ADARB2: variants seen among roughly 807,000 people sequenced by gnomAD.
ADARB2 encodes inactive double-stranded RNA-specific editase B2.
Under a neutral mutation model 62.2 loss-of-function variants are expected in ADARB2, and 25 were observed. The ratio of observed to expected loss-of-function variants is 0.40; its 90% CI spans 0.29 to 0.56. ADARB2 has a LOEUF of 0.56. Ranked by LOEUF, ADARB2 falls within the 20% of genes least tolerant of loss-of-function variation. The pLI is 0.43. For synonymous variants in ADARB2, 572 were observed against 500.8 expected (o/e 1.14, Z -1.90); for missense variants, 1,071 against 1,077.4 (o/e 0.99, Z 0.08).
At chr10:1,295,685 G>C (rs981808378) in intron 3 of ADARB2, among the ~76,000 whole-genome samples, 1 of 152,136 alleles carries the variant, frequency 6.6e-6, no homozygotes, top group Non-Finnish European at 1.5e-5. Flanking sequence ...AATGCATGAA[G>C]GGTCTCATTA....
intron 6 of ADARB2, among the ~76,000 whole-genome samples, chr10:1,221,283 G>T (rs1025690406): frequency 6.6e-6 from 1 of 152,150 alleles, no homozygotes; most frequent in South Asian, 2.1e-4. Context: ...AATTCTGACA[G>T]TCCAAGTCAT....
chr10:1,622,325 G>A (rs1833713397), intron 1 of ADARB2, among the ~76,000 whole-genome samples: 1 of 152,110 alleles, frequency 6.6e-6, no homozygotes, highest in South Asian at 2.1e-4. Context: ...AATTCATTAA[G>A]GAAATATCAA....
intron 6 of ADARB2, among the ~76,000 whole-genome samples, chr10:1,225,941 A>AT (rs1290409715): frequency 6.6e-6 from 1 of 151,912 alleles, no homozygotes; most frequent in Non-Finnish European, 1.5e-5. Flanking sequence ...TATTTCCTGA[A>AT]TATGAATGTT....
chr10:1,345,522 C>G (rs1009474584), intron 3 of ADARB2, among the ~76,000 whole-genome samples: 1 of 152,170 alleles, frequency 6.6e-6, no homozygotes, highest in Non-Finnish European at 1.5e-5. Flanking sequence ...GCTCAACTGA[C>G]CCCATGTCCT....
intron 1 of ADARB2, among the ~76,000 whole-genome samples, chr10:1,604,626 G>T (rs1833472576): frequency 2.6e-5 from 4 of 152,304 alleles, no homozygotes; most frequent in African/African-American, 2.4e-5. Flanking sequence ...GTAGTGTTTT[G>T]AATCTTACAT....
At chr10:1,711,356 T>C (rs1195529006) in intron 1 of ADARB2, among the ~76,000 whole-genome samples, 1 of 152,192 alleles carries the variant, frequency 6.6e-6, no homozygotes, top group Non-Finnish European at 1.5e-5. Context: ...GGTGCCATGC[T>C]GAGGTCACAG....
At chr10:1,188,745 C>G (rs1236512682) in intron 8 of ADARB2, among the ~76,000 whole-genome samples, 1 of 152,184 alleles carries the variant, frequency 6.6e-6, no homozygotes, top group African/African-American at 2.4e-5. Context: ...GGAGCGGGAA[C>G]CACGGCCCAG....
intron 1 of ADARB2, among the ~76,000 whole-genome samples, chr10:1,508,518 G>A (rs911350332): frequency 6.6e-6 from 1 of 152,174 alleles, no homozygotes; most frequent in Admixed American, 6.5e-5. Context: ...AGTGGCTCAC[G>A]CCTGTAATCC....
At chr10:1,724,361 A>T (rs1294331832) in intron 1 of ADARB2, among the ~76,000 whole-genome samples, 1 of 152,188 alleles carries the variant, frequency 6.6e-6, no homozygotes, top group African/African-American at 2.4e-5. Flanking sequence ...GTGTCGAAGG[A>T]CACTCTCACA....
intron 1 of ADARB2, among the ~76,000 whole-genome samples, chr10:1,565,786 C>T (rs1035164479): frequency 2.0e-5 from 3 of 152,002 alleles, no homozygotes; most frequent in East Asian, 3.9e-4. Context: ...GTATTTTATC[C>T]GAAGAAGATT....
At chr10:1,566,950 A>G (rs1009938199) in intron 1 of ADARB2, among the ~76,000 whole-genome samples, 1 of 152,260 alleles carries the variant, frequency 6.6e-6, no homozygotes, top group African/African-American at 2.4e-5. Flanking sequence ...AAGTATAAAT[A>G]TACAACACAC....
At chr10:1,461,678 T>C (rs1831176882) in intron 1 of ADARB2, among the ~76,000 whole-genome samples, 1 of 152,140 alleles carries the variant, frequency 6.6e-6, no homozygotes. Flanking sequence ...TTTTTCCTTT[T>C]TTTCTTGAAG....
At position 1,184,757 on chromosome 10, in the gene ADARB2, T is replaced by G. The variant is rs7080255; in HGVS notation, c.2043+104A>C. The G allele has an allele frequency of 2.6e-3, 3,405 of 1,309,910 alleles. 83 individuals are homozygous for G. In the African/African-American group the frequency reaches 0.045, roughly 17 times the overall value. 81.1% of individuals were successfully genotyped at this position (1,309,910 alleles called of 1,614,324 possible). On this transcript the variant is annotated intron_variant, in intron 9 of 9. Coordinates refer to ENST00000381312, the MANE Select transcript of ADARB2 (RefSeq NM_018702.4). The stretch of plus-strand genomic sequence containing the variant: ...TGTGATGGGCGCTGTGTCGTGCATC[T>G]CCCTCCCTGCAGACCAAGTGTTGGC...
intron 1 of ADARB2, among the ~76,000 whole-genome samples, chr10:1,488,744 C>T (rs943142208): frequency 1.3e-5 from 2 of 152,214 alleles, no homozygotes; most frequent in East Asian, 1.9e-4. Context: ...TCTGGGCCTG[C>T]GCGAGTCTGA....
chr10:1,506,896 C>T (rs1442686480), intron 1 of ADARB2, among the ~76,000 whole-genome samples: 1 of 152,240 alleles, frequency 6.6e-6, no homozygotes, highest in Non-Finnish European at 1.5e-5. Flanking sequence ...TCGTCCCTCT[C>T]CGATCCCTGC....
intron 1 of ADARB2, among the ~76,000 whole-genome samples, chr10:1,416,356 T>C (rs982838504): frequency 6.6e-6 from 1 of 152,092 alleles, no homozygotes; most frequent in East Asian, 1.9e-4. Context: ...CTGGGGTGAG[T>C]GTGCCTGTGG....
intron 3 of ADARB2, among the ~76,000 whole-genome samples, chr10:1,284,509 C>A (rs574473376): frequency 1.6e-4 from 24 of 152,186 alleles, no homozygotes; most frequent in East Asian, 5.8e-4. Context: ...TAGCACCCTG[C>A]GAGGCTCTCG....
chr10:1,695,734 ATGTG>A (rs758918006), intron 1 of ADARB2, among the ~76,000 whole-genome samples: 3 of 152,188 alleles, frequency 2.0e-5, no homozygotes, highest in Non-Finnish European at 2.9e-5. Context: ...GAGACCATGC[ATGTG>A]TATGTATACA....
chr10:1,555,259 G>A (rs1832682964), intron 1 of ADARB2, among the ~76,000 whole-genome samples: 1 of 152,188 alleles, frequency 6.6e-6, no homozygotes, highest in Non-Finnish European at 1.5e-5. Flanking sequence ...GACTCAAATG[G>A]CAGTTGTCTT....
Sources: gnomAD v4.1 joint callset for allele counts (sites outside exome capture counted in the v4.1 genomes callset) on GRCh38, gnomAD v4.1.1 for gene constraint, MANE v1.5 for transcripts, NCBI Gene and HGNC (gene_info 2026-07-23, HGNC 2026-07-21) for gene names.